Variants in MICA observed in about 807,000 individuals in gnomAD.
MICA encodes HLA class I antigen.
MICA carries 18 observed loss-of-function variants against 34.3 expected under a neutral mutation model. The observed-to-expected ratio is 0.52, with a 90% CI of 0.36 to 0.78. The LOEUF (loss-of-function observed/expected upper bound fraction) is 0.78, where lower values mean the gene tolerates loss of function less well. Ranked by LOEUF, MICA falls within the 30% of genes least tolerant of loss-of-function variation. The pLI, the probability that MICA is intolerant of heterozygous loss-of-function variation, is 0.00. For missense variants in MICA, 333 were observed against 409.4 expected (o/e 0.81, Z 1.61); for synonymous variants, 135 against 156.9 (o/e 0.86, Z 1.04).
chr6:31,406,208 G>A (rs116795853), intron 1 of MICA, among the ~76,000 whole-genome samples: 3,834 of 151,260 alleles, frequency 0.025, 125 homozygotes, highest in Admixed American at 0.041. Flanking sequence ...CTACATCCTC[G>A]CCAGCATTCC....
intron 1 of MICA, among the ~76,000 whole-genome samples, chr6:31,406,408 AT>A (rs41293535): frequency 1.1e-4 from 16 of 150,120 alleles, no homozygotes; most frequent in Non-Finnish European, 1.2e-4. Flanking sequence ...GGATTATTAT[AT>A]TTTTTTTCCT....
Position 31,410,643 on chromosome 6 carries a change from G to A in MICA, c.171G>A (p.Leu57=). Residue 57 remains leucine, a synonymous_variant, in exon 2 of 6, where the codon CTG becomes CTA. Coordinates refer to ENST00000449934, the MANE Select transcript of MICA (RefSeq NM_001177519.3). The stretch of plus-strand genomic sequence containing the variant: ...TACATCTGGATGGTCAGCCCTTCCT[G>A]CGCTATGACAGGCAGAAATGCAGGG... ...AEVHLDGQPF[L]RYDRQKCRAK... 6.2e-7 allele frequency: 1 copy of A among 1,613,564 alleles called. No homozygotes were observed. Among genetic ancestry groups the A allele is most frequent in the South Asian group, 1.1e-5 (1 of 91,060 alleles).
chr6:31,413,847 T>G (rs1398469612), intron 5 of MICA, among the ~76,000 whole-genome samples: 3 of 151,996 alleles, frequency 2.0e-5, no homozygotes, highest in Admixed American at 2.0e-4. Context: ...GAAAAGAGTA[T>G]GAAGTTCATG....
chr6:31,412,766 C>CA (rs1240745066), intron 5 of MICA, among the ~76,000 whole-genome samples: 1 of 151,722 alleles, frequency 6.6e-6, no homozygotes, highest in Non-Finnish European at 1.5e-5. Context: ...CACTAGGGCG[C>CA]ATCCAGGTGG....
chr6:31,403,278 C>T (rs537117029), upstream of MICA, among the ~76,000 whole-genome samples: 55 of 151,798 alleles, frequency 3.6e-4, no homozygotes, highest in Middle Eastern at 3.4e-3. This position sits in a 1 kb window ranked among gnomAD's most constrained non-coding sequence, Gnocchi z 4.7. Flanking sequence ...GGGGTGGGGG[C>T]GCGGGGATGG....
Position 31,411,971 on chromosome 6 carries a change from G to A in MICA, c.638G>A (p.Arg213His), listed in dbSNP as rs752018470. Residue 213 changes from arginine (R) to histidine (H), a missense_variant, in exon 4 of 6, where the codon CGC becomes CAC. Physicochemically the swap from Arg to His is conservative, Grantham distance 29 (BLOSUM62 0). Transcript: ENST00000449934. The surrounding 1 kb of genome is among the most constrained non-coding windows in gnomAD (Gnocchi z 4.3). Reference sequence around the variant, plus strand: ...GTGCCCCCCATGGTGAATGTCACCCGCAGCGAGGCCTCAGAGGGCAACATC... The same window carrying A: ...GTGCCCCCCATGGTGAATGTCACCCACAGCGAGGCCTCAGAGGGCAACATC... ...RTVPPMVNVTRSEASEGNITV... is the reference protein window; with the variant it reads ...RTVPPMVNVTHSEASEGNITV... 6.6e-5 allele frequency: 107 copies of A among 1,612,808 alleles called. No individual in the cohort carries two copies. Among genetic ancestry groups the A allele is most frequent in the African/African-American group, 1.5e-4 (11 of 74,680 alleles).
Position 31,410,543 on chromosome 6 carries a change from A to C in MICA, c.71A>C (p.Glu24Ala). The C allele has an allele frequency of 6.2e-7, 1 of 1,609,968 alleles. No homozygotes were observed. Among genetic ancestry groups the C allele is most frequent in the Non-Finnish European group, 8.5e-7 (1 of 1,178,598 alleles). The stretch of plus-strand genomic sequence containing the variant: ...TCACCTGTGATTTCCTCTTCCCCAG[A>C]GCCCCACAGTCTTCGTTATAACCTC... Reference protein sequence around the residue: ...FPFAPPGAAAEPHSLRYNLTV... With the variant: ...FPFAPPGAAAAPHSLRYNLTV... Residue 24 changes from glutamate (E) to alanine (A), a missense_variant and splice_region_variant, in exon 2 of 6, where the codon GAG becomes GCG. Transcript: ENST00000449934.
chr6:31,410,823 A>G (rs1305826422), intron 2 of MICA, 26 bp downstream of exon 2: 64 of 1,545,508 alleles, frequency 4.1e-5, no homozygotes, highest in Non-Finnish European at 5.4e-5. Flanking sequence ...GGCAAGAGTG[A>G]CTGGAGAGGC....
upstream of MICA, among the ~76,000 whole-genome samples, chr6:31,401,083 T>C (rs1211950317): frequency 3.3e-5 from 5 of 151,960 alleles, no homozygotes. Context: ...CTGAATCAGA[T>C]CCTTTGCTGG....
chr6:31,412,504 T>A, intron 5 of MICA, 44 bp downstream of exon 5: 1 of 1,256,402 alleles, frequency 8.0e-7, no homozygotes, highest in Non-Finnish European at 1.1e-6. Context: ...GGCCCCTGTC[T>A]GGGCAGTAGG....
At chr6:31,408,865 C>T (rs1451539758) in intron 1 of MICA, among the ~76,000 whole-genome samples, 2 of 151,530 alleles carry the variant, frequency 1.3e-5, no homozygotes, top group Admixed American at 1.3e-4. Context: ...GTTAGCCGGG[C>T]GTGATGGCGG....
At chr6:31,414,682 G>A (rs3749949) in intron 5 of MICA, among the ~76,000 whole-genome samples, 48,551 of 151,672 alleles carry the variant, frequency 0.32, 8,360 homozygotes, top group African/African-American at 0.4. Flanking sequence ...CCTCTCTTTG[G>A]GGAGGCCTCT....
chr6:31,403,815 C>G lies in MICA; in HGVS notation c.70+113C>G, dbSNP rs370683503. On this transcript the variant is annotated intron_variant, in intron 1 of 5. Coordinates refer to ENST00000449934, the MANE Select transcript of MICA (RefSeq NM_001177519.3). This position sits in a 1 kb window ranked among gnomAD's most constrained non-coding sequence, Gnocchi z 4.7. ...TCAGGGCGGGGCTCCTGTGCCCTGTCGGTGGCGCAGGGAGCTGGACGCGGC... is the reference window on the plus strand; with the variant it reads ...TCAGGGCGGGGCTCCTGTGCCCTGTGGGTGGCGCAGGGAGCTGGACGCGGC... 4 of 987,572 alleles carry G rather than the reference C, an allele frequency of 4.1e-6. No homozygotes were observed. The highest frequency in any genetic ancestry group is 1.8e-5 in the African/African-American group (1 of 56,830). The allele number at this position is 987,572 out of a possible 1,614,324, so 61.2% of individuals were successfully genotyped here.
rs373712767 is a variant in MICA at position 31,415,091 on chromosome 6, G to C, written c.*109G>C. ...GGGATGCCACACAGCTCGGATTTCA[G>C]CCTCTGATGTCAGCTCTTGGGTCCA... On this transcript the variant is annotated 3_prime_UTR_variant, in exon 6 of 6. Coordinates refer to ENST00000449934, the MANE Select transcript of MICA (RefSeq NM_001177519.3). The C allele has an allele frequency of 4.6e-6, 6 of 1,299,676 alleles. No homozygotes were observed. In the Middle Eastern group the frequency reaches 7.7e-4, roughly 167 times the overall value. The allele number at this position is 1,299,676 out of a possible 1,614,324, so 80.5% of individuals were successfully genotyped here. A position where few individuals can be genotyped will look rare whatever the true frequency, so the allele number is the denominator to read the frequency against.
chr6:31,412,302 T>C (rs1259023220), intron 4 of MICA, 23 bp from the exon 5 acceptor site: 2 of 1,595,158 alleles, frequency 1.3e-6, no homozygotes, highest in Admixed American at 1.8e-5. Flanking sequence ...CTGCCCAGTG[T>C]ATAACAAGTC....
chr6:31,408,611 C>G (rs887494329), intron 1 of MICA, among the ~76,000 whole-genome samples: 3 of 151,886 alleles, frequency 2.0e-5, no homozygotes, highest in African/African-American at 7.3e-5. Context: ...AACCACCATT[C>G]TACTTTTTGT....
At position 31,408,715 on chromosome 6, in the gene MICA, T is replaced by C. The variant is rs115271465; in HGVS notation, c.71-1828T>C. Among the ~76,000 whole-genome samples, 434 of 151,976 alleles carry C rather than the reference T, an allele frequency of 2.9e-3. 16 individuals carry two copies. The East Asian group carries it at 0.051, about 18-fold the overall frequency. On this transcript the variant is annotated intron_variant, in intron 1 of 5. Coordinates refer to ENST00000449934, the MANE Select transcript of MICA (RefSeq NM_001177519.3). ...TGGCTTATTTCACTTATAATATTTT[T>C]GAGGTTCGGTGGGCACAGTGGCTCA...
chr6:31,412,892 G>A (rs564081190), intron 5 of MICA, among the ~76,000 whole-genome samples: 31 of 152,036 alleles, frequency 2.0e-4, no homozygotes, highest in Admixed American at 6.6e-4. Context: ...AGAGGAATCT[G>A]AGGAGAGGCG....
intron 1 of MICA, among the ~76,000 whole-genome samples, chr6:31,407,382 ATGTGCCAC>A (rs1192121431): frequency 1.3e-5 from 2 of 151,826 alleles, no homozygotes; most frequent in Non-Finnish European, 2.9e-5. Flanking sequence ...GATTACAGGC[ATGTGCCAC>A]TGTGCCTGGC....
Sources: allele counts gnomAD v4.1 joint callset (sites outside exome capture counted in the v4.1 genomes callset), GRCh38; gene constraint gnomAD v4.1.1; non-coding constraint Gnocchi (gnomAD v3.1); transcripts MANE v1.5; gene names NCBI Gene and HGNC (gene_info 2026-07-23, HGNC 2026-07-21).